The following XYLT1 variants were observed in gnomAD, a reference collection of about 807,000 sequenced individuals.
XYLT1 encodes beta-D-xylosyltransferase 1.
A neutral mutation model predicts 91.3 loss-of-function variants in XYLT1; 36 were observed. The ratio of observed to expected loss-of-function variants is 0.39; its 90% CI spans 0.30 to 0.52. XYLT1 has a LOEUF of 0.52. Among genes scored for constraint, XYLT1 ranks in the 20% least tolerant of loss-of-function variants. XYLT1 has a pLI of 0.68. For synonymous variants in XYLT1, 588 were observed against 532.0 expected, an observed-to-expected ratio of 1.11 and a Z score of -1.45; for missense variants, 1,242 against 1,284.5, an observed-to-expected ratio of 0.97 and a Z score of 0.51.
intron 1 of XYLT1, among the ~76,000 whole-genome samples, chr16:17,375,503 C>CACAG (rs1186558257): frequency 1.3e-5 from 2 of 151,838 alleles, no homozygotes; most frequent in African/African-American, 4.8e-5. Flanking sequence ...CACACACACA[C>CACAG]AGAAAAGATT....
chr16:17,114,513 C>T (rs1001561428), intron 11 of XYLT1, among the ~76,000 whole-genome samples: 6 of 152,174 alleles, frequency 3.9e-5, no homozygotes, highest in Non-Finnish European at 7.3e-5. Context: ...ATGTATTTTG[C>T]TGTCACAGAA....
intron 3 of XYLT1, among the ~76,000 whole-genome samples, chr16:17,233,900 C>T (rs193033107): frequency 3.9e-5 from 6 of 152,264 alleles, no homozygotes; most frequent in Admixed American, 1.3e-4. Flanking sequence ...GTTAAGCGCA[C>T]GTGCTTGGGG....
At chr16:17,222,657 G>T (rs1214162977) in intron 3 of XYLT1, among the ~76,000 whole-genome samples, 2 of 151,894 alleles carry the variant, frequency 1.3e-5, no homozygotes, top group Non-Finnish European at 2.9e-5. Context: ...GGGCACAGTG[G>T]TGTACACCCA....
intron 5 of XYLT1, among the ~76,000 whole-genome samples, chr16:17,164,061 AAAAAAAAAG>A (rs1446411159): frequency 9.4e-5 from 14 of 149,004 alleles, no homozygotes; most frequent in African/African-American, 3.4e-4. Flanking sequence ...AAAAAAAAAA[AAAAAAAAAG>A]AAAGACTATG....
intron 5 of XYLT1, among the ~76,000 whole-genome samples, chr16:17,167,598 G>A (rs1453009758): frequency 1.4e-5 from 2 of 147,020 alleles, no homozygotes; most frequent in African/African-American, 2.5e-5. Context: ...CTTCCATCTC[G>A]TGAACGGATT....
At chr16:17,262,719 G>C (rs1202008503) in intron 2 of XYLT1, among the ~76,000 whole-genome samples, 1 of 152,152 alleles carries the variant, frequency 6.6e-6, no homozygotes, top group Non-Finnish European at 1.5e-5. Context: ...CCACACTCCT[G>C]CTGGTGGAGG....
At chr16:17,182,991 G>A (rs924919461) in intron 5 of XYLT1, among the ~76,000 whole-genome samples, 1 of 152,184 alleles carries the variant, frequency 6.6e-6, no homozygotes, top group Non-Finnish European at 1.5e-5. Flanking sequence ...ACTGGCTTTT[G>A]GCTTTGGCAG....
chr16:17,225,761 T>C (rs1346579640), intron 3 of XYLT1, among the ~76,000 whole-genome samples: 10 of 152,162 alleles, frequency 6.6e-5, no homozygotes, highest in Admixed American at 6.5e-4. Flanking sequence ...TCAGAGACTG[T>C]GGTAAGTTAC....
At chr16:17,245,570 A>T (rs1287767029) in intron 3 of XYLT1, among the ~76,000 whole-genome samples, 1 of 152,104 alleles carries the variant, frequency 6.6e-6, no homozygotes, top group Non-Finnish European at 1.5e-5. Context: ...CTCCTGTTCA[A>T]TTTTTACCAG....
chr16:17,112,926 A>G (rs1250229398), intron 11 of XYLT1, among the ~76,000 whole-genome samples: 5 of 151,882 alleles, frequency 3.3e-5, no homozygotes, highest in African/African-American at 7.3e-5. Context: ...TGCAACCTCC[A>G]CCTCCTGGGT....
intron 2 of XYLT1, among the ~76,000 whole-genome samples, chr16:17,315,310 T>C (rs2034611353): frequency 1.3e-5 from 2 of 152,264 alleles, no homozygotes; most frequent in African/African-American, 4.8e-5. Context: ...ATGCTCTTTG[T>C]CACCTTGTGC....
intron 1 of XYLT1, among the ~76,000 whole-genome samples, chr16:17,375,755 T>C (rs566273861): frequency 5.2e-4 from 79 of 152,344 alleles, no homozygotes; most frequent in African/African-American, 1.8e-3. Context: ...TGGATGGGTC[T>C]GCTGTTGGGA....
At chr16:17,201,055 T>G (rs74812350) in intron 3 of XYLT1, among the ~76,000 whole-genome samples, 1,694 of 152,300 alleles carry the variant, frequency 0.011, 34 homozygotes, top group African/African-American at 0.038. Context: ...CAGAATTCAT[T>G]CTCCCTTCTT....
chr16:17,276,664 G>A (rs1320537811), intron 2 of XYLT1, among the ~76,000 whole-genome samples: 1 of 152,152 alleles, frequency 6.6e-6, no homozygotes, highest in Non-Finnish European at 1.5e-5. Flanking sequence ...ACTGTTCAGA[G>A]CAAGAAGTAG....
At chr16:17,208,525 C>T (rs1342277165) in intron 3 of XYLT1, among the ~76,000 whole-genome samples, 1 of 152,086 alleles carries the variant, frequency 6.6e-6, no homozygotes, top group East Asian at 1.9e-4. Flanking sequence ...GTTTCATATA[C>T]ACTTTATACA....
At chr16:17,324,325 A>AT (rs769544860) in intron 2 of XYLT1, among the ~76,000 whole-genome samples, 1 of 152,168 alleles carries the variant, frequency 6.6e-6, no homozygotes, top group Non-Finnish European at 1.5e-5. Flanking sequence ...AGACACAGGG[A>AT]TTTTCAGAGC....
intron 5 of XYLT1, among the ~76,000 whole-genome samples, chr16:17,185,461 A>G (rs1027880702): frequency 6.6e-6 from 1 of 152,178 alleles, no homozygotes; most frequent in Non-Finnish European, 1.5e-5. Flanking sequence ...GAACGTCCCA[A>G]AGAACAAAAG....
Position 17,115,852 on chromosome 16 carries a change from A to ACAT in XYLT1, c.2557+1791_2557+1793dup, listed in dbSNP as rs1167529665. Among the ~76,000 whole-genome samples, 50 of 149,916 alleles carry ACAT rather than the reference A, an allele frequency of 3.3e-4. 1 individual carries two copies. The highest frequency in any genetic ancestry group is 1.2e-3 in the African/African-American group (48 of 40,884). ...ACTTTTCCTTGCACTATTATCAGTAACATCATCATCATCAGCAGCAACAAC... is the reference window on the plus strand; with the variant it reads ...ACTTTTCCTTGCACTATTATCAGTAACATCATCATCATCATCAGCAGCAACAAC... On this transcript the variant is annotated intron_variant, in intron 11 of 11. Coordinates refer to ENST00000261381, the MANE Select transcript of XYLT1 (RefSeq NM_022166.4).
chr16:17,328,018 G>A (rs1596484310), intron 2 of XYLT1, among the ~76,000 whole-genome samples: 1 of 152,194 alleles, frequency 6.6e-6, no homozygotes, highest in South Asian at 2.1e-4. Context: ...ATCATGGAGG[G>A]AGAAATTGAG....
Sources: gnomAD v4.1 joint callset for allele counts (sites outside exome capture counted in the v4.1 genomes callset) on GRCh38, gnomAD v4.1.1 for gene constraint, MANE v1.5 for transcripts, NCBI Gene and HGNC (gene_info 2026-07-23, HGNC 2026-07-21) for gene names.